The following MREG variants were observed in gnomAD, a reference collection of about 807,000 sequenced individuals.
MREG encodes melanoregulin.
MREG carries 31 observed loss-of-function variants against 28.5 expected under a neutral mutation model. The ratio of observed to expected loss-of-function variants is 1.09; its 90% CI spans 0.82 to 1.47. The LOEUF (loss-of-function observed/expected upper bound fraction) is 1.47, where lower values mean the gene tolerates loss of function less well. MREG is among the 40% of genes most tolerant of loss of function. MREG has a pLI of 0.00. For missense variants in MREG, 256 were observed against 257.4 expected, an observed-to-expected ratio of 0.99 and a Z score of 0.04; for synonymous variants, 106 against 95.2, an observed-to-expected ratio of 1.11 and a Z score of -0.66.
chr2:215,977,912 C>T (rs1393216957), intron 2 of MREG, among the ~76,000 whole-genome samples: 2 of 152,024 alleles, frequency 1.3e-5, no homozygotes, highest in African/African-American at 4.8e-5. Context: ...GCACTAAATG[C>T]CCACAAAAGA....
chr2:215,945,949 TTC>T (rs916613185), intron 3 of MREG, among the ~76,000 whole-genome samples: 2 of 152,134 alleles, frequency 1.3e-5, no homozygotes, highest in Non-Finnish European at 2.9e-5. Flanking sequence ...GGTATTTTTT[TTC>T]TCTTTGTTAA....
chr2:215,947,282 T>G lies in MREG; in HGVS notation c.256-169A>C, dbSNP rs114373242. Among the ~76,000 whole-genome samples the G allele has an allele frequency of 2.2e-3, 335 of 152,344 alleles. 3 individuals are homozygous for G. The highest frequency in any genetic ancestry group is 7.7e-3 in the African/African-American group (320 of 41,568). ...TGAGATAAAGTTGATAGGAATACTATCAGCTACCACTGCTGGAGAATCTGC... is the reference window on the plus strand; with the variant it reads ...TGAGATAAAGTTGATAGGAATACTAGCAGCTACCACTGCTGGAGAATCTGC... On this transcript the variant is annotated intron_variant, in intron 2 of 4. Coordinates refer to ENST00000263268, the MANE Select transcript of MREG (RefSeq NM_018000.3).
chr2:216,027,159 A>T (rs1441978610), intron 1 of MREG, among the ~76,000 whole-genome samples: 1 of 152,236 alleles, frequency 6.6e-6, no homozygotes, highest in Non-Finnish European at 1.5e-5. Flanking sequence ...GAAATCAATC[A>T]TCTCTTATTG....
chr2:216,029,431 T>C (rs1694646246), intron 1 of MREG, among the ~76,000 whole-genome samples: 1 of 151,794 alleles, frequency 6.6e-6, no homozygotes, highest in African/African-American at 2.4e-5. Context: ...TGAGCTGAGA[T>C]CACGCCACTG....
In MREG at chr2:215,975,882, T is replaced by G. The variant is rs139850619; in HGVS notation, c.255+20424A>C. Among the ~76,000 whole-genome samples, 1,035 of 152,160 alleles carry G rather than the reference T, an allele frequency of 6.8e-3. 6 individuals are homozygous for G. Among genetic ancestry groups the G allele is most frequent in the African/African-American group, 0.023 (960 of 41,496 alleles). On this transcript the variant is annotated intron_variant, in intron 2 of 4. Transcript: ENST00000263268. ...GGGCAGATTGCCTGAGGTCAGGAGT[T>G]CAAGACCAGCCTGGCCAACACGGTG...
rs1464559306 is a variant in MREG at position 216,013,328 on chromosome 2, G to A, written c.-1C>T. On this transcript the variant is annotated 5_prime_UTR_variant, in exon 1 of 5. Transcript: ENST00000263268. ...TTCTCAGCCAGTCCCTCAGCCCCAT[G>A]GAGAGCGAGGGCCCCCACCGGCGCC... 2 of 1,527,556 alleles carry A rather than the reference G, an allele frequency of 1.3e-6. No homozygotes were observed. Among genetic ancestry groups the A allele is most frequent in the South Asian group, 1.2e-5 (1 of 82,264 alleles). The allele number at this position is 1,527,556 out of a possible 1,614,324, so 94.6% of individuals were successfully genotyped here. A position where few individuals can be genotyped will look rare whatever the true frequency, so the allele number is the denominator to read the frequency against.
chr2:215,949,088 T>TAATAAC (rs1553546693), intron 2 of MREG, among the ~76,000 whole-genome samples: 26 of 116,642 alleles, frequency 2.2e-4, no homozygotes, highest in Admixed American at 7.2e-4. Flanking sequence ...CTACTACTAC[T>TAATAAC]AATAATAATA....
intron 1 of MREG, among the ~76,000 whole-genome samples, chr2:216,000,966 C>T (rs1485971749): frequency 6.6e-6 from 1 of 152,086 alleles, no homozygotes; most frequent in Non-Finnish European, 1.5e-5. Flanking sequence ...GGCCAATTCC[C>T]AACCCTCTCA....
chr2:216,003,967 C>T (rs2106025577), intron 1 of MREG, among the ~76,000 whole-genome samples: 1 of 152,290 alleles, frequency 6.6e-6, no homozygotes, highest in Non-Finnish European at 1.5e-5. Context: ...TCATGTCATC[C>T]CTCAGCTCAA....
intron 2 of MREG, among the ~76,000 whole-genome samples, chr2:215,992,142 C>T (rs144248621): frequency 0.013 from 1,936 of 152,282 alleles, 80 homozygotes; most frequent in Admixed American, 0.086. Flanking sequence ...ATGTGAAAAT[C>T]CTCAATAAAA....
chr2:215,971,707 C>A (rs1213323793), intron 2 of MREG, among the ~76,000 whole-genome samples: 1 of 152,184 alleles, frequency 6.6e-6, no homozygotes, highest in African/African-American at 2.4e-5. Flanking sequence ...AGAGGTCCTG[C>A]CTGCTTCCTT....
upstream of MREG, among the ~76,000 whole-genome samples, chr2:216,014,073 A>G (rs2105927364): frequency 6.6e-6 from 1 of 152,178 alleles, no homozygotes; most frequent in Non-Finnish European, 1.5e-5. Flanking sequence ...ACTTGTTAAT[A>G]TATGTGCCTG....
chr2:215,973,681 T>A (rs1450004998), intron 2 of MREG, among the ~76,000 whole-genome samples: 1 of 152,116 alleles, frequency 6.6e-6, no homozygotes, highest in African/African-American at 2.4e-5. Context: ...TCACCAACGC[T>A]GGCAAAAAAG....
At chr2:215,978,995 A>G (rs1281254363) in intron 2 of MREG, among the ~76,000 whole-genome samples, 2 of 152,264 alleles carry the variant, frequency 1.3e-5, no homozygotes, top group East Asian at 1.9e-4. Flanking sequence ...GAATGGACAC[A>G]TCGGGTAGAA....
intron 1 of MREG, among the ~76,000 whole-genome samples, chr2:216,000,685 A>T (rs1293508518): frequency 1.3e-5 from 2 of 152,184 alleles, no homozygotes; most frequent in African/African-American, 4.8e-5. Context: ...ATCACCTAGC[A>T]GGGTCCTAGG....
intron 2 of MREG, among the ~76,000 whole-genome samples, chr2:215,958,564 C>T (rs992870427): frequency 3.9e-5 from 6 of 152,222 alleles, no homozygotes; most frequent in Non-Finnish European, 7.3e-5. Flanking sequence ...ACTCCTTGAC[C>T]TCCTCAAGCT....
At chr2:215,968,912 C>T (rs774984129) in intron 2 of MREG, among the ~76,000 whole-genome samples, 3 of 152,206 alleles carry the variant, frequency 2.0e-5, no homozygotes, top group African/African-American at 4.8e-5. Context: ...CACACCACCA[C>T]GCCTGGCTAA....
chr2:215,979,467 A>AAAAAAT (rs373505672), intron 2 of MREG, among the ~76,000 whole-genome samples: 142 of 132,474 alleles, frequency 1.1e-3, no homozygotes, highest in South Asian at 2.1e-3. Context: ...CCATCTCAAA[A>AAAAAAT]AATAATAATA....
chr2:215,968,415 GA>G (rs1294621728), intron 2 of MREG, among the ~76,000 whole-genome samples: 1 of 152,198 alleles, frequency 6.6e-6, no homozygotes, highest in Admixed American at 6.5e-5. Flanking sequence ...AAATACACAT[GA>G]AAGAAAGGTG....
Sources: allele counts gnomAD v4.1 joint callset (sites outside exome capture counted in the v4.1 genomes callset), GRCh38; gene constraint gnomAD v4.1.1; transcripts MANE v1.5; gene names NCBI Gene and HGNC (gene_info 2026-07-23, HGNC 2026-07-21).